Variants in TAFA2 observed in about 807,000 individuals in gnomAD.
TAFA2 encodes the protein chemokine-like protein TAFA-2.
TAFA2 carries 7 observed loss-of-function variants against 18.8 expected under a neutral mutation model. That is an observed-to-expected ratio of 0.37 (90% CI 0.21 to 0.70). TAFA2 has a LOEUF of 0.70. Ranked by LOEUF, TAFA2 falls within the 30% of genes least tolerant of loss-of-function variation. The pLI is 0.53. For missense variants in TAFA2, 122 were observed against 158.1 expected, an observed-to-expected ratio of 0.77 and a Z score of 1.23; for synonymous variants, 60 against 54.2, an observed-to-expected ratio of 1.11 and a Z score of -0.47.
At chr12:61,758,927 G>A (rs1190720875) in intron 2 of TAFA2, among the ~76,000 whole-genome samples, 1 of 151,954 alleles carries the variant, frequency 6.6e-6, no homozygotes. Flanking sequence ...ACATCAGTAG[G>A]CAGATCACTA....
At chr12:62,169,239 T>C (rs545584142) in intron 1 of TAFA2, among the ~76,000 whole-genome samples, 18 of 152,294 alleles carry the variant, frequency 1.2e-4, no homozygotes, top group African/African-American at 3.4e-4. Flanking sequence ...AGCCATAAGC[T>C]GGCCTTGTAA....
intron 2 of TAFA2, among the ~76,000 whole-genome samples, chr12:61,857,649 T>G (rs1320759085): frequency 6.6e-6 from 1 of 152,214 alleles, no homozygotes; most frequent in East Asian, 1.9e-4. Context: ...CCAATTGGCC[T>G]GAACAAGACT....
intron 1 of TAFA2, among the ~76,000 whole-genome samples, chr12:61,930,019 G>A (rs901001027): frequency 2.7e-5 from 4 of 146,854 alleles, no homozygotes; most frequent in African/African-American, 8.1e-5. Flanking sequence ...GTGGGGGTAG[G>A]GGGGAGGGAT....
intron 1 of TAFA2, among the ~76,000 whole-genome samples, chr12:62,125,126 C>A (rs562314712): frequency 4.6e-5 from 7 of 152,120 alleles, no homozygotes; most frequent in African/African-American, 1.7e-4. Flanking sequence ...TCTATGAGCA[C>A]CTGAGTTGTA....
intron 4 of TAFA2, among the ~76,000 whole-genome samples, chr12:61,711,848 C>T (rs1217966787): frequency 1.3e-5 from 2 of 151,822 alleles, no homozygotes; most frequent in Non-Finnish European, 2.9e-5. Flanking sequence ...CATGAAGAGC[C>T]TACTGAATCT....
intron 2 of TAFA2, among the ~76,000 whole-genome samples, chr12:61,763,502 G>T (rs567377286): frequency 1.3e-5 from 2 of 151,926 alleles, no homozygotes; most frequent in African/African-American, 2.4e-5. Context: ...AATGACAGTC[G>T]ATGTTAAGAA....
intron 2 of TAFA2, among the ~76,000 whole-genome samples, chr12:61,795,036 T>A (rs1324963623): frequency 2.0e-5 from 3 of 152,074 alleles, no homozygotes; most frequent in African/African-American, 7.2e-5. Context: ...TGAGATACCA[T>A]CTCACGCCAG....
At chr12:62,108,710 T>C (rs1392783822) in intron 1 of TAFA2, among the ~76,000 whole-genome samples, 1 of 152,228 alleles carries the variant, frequency 6.6e-6, no homozygotes, top group Non-Finnish European at 1.5e-5. Context: ...CTCATTATGG[T>C]TTTGATTTGC....
chr12:61,913,164 G>A (rs1354272881), intron 1 of TAFA2, among the ~76,000 whole-genome samples: 4 of 152,072 alleles, frequency 2.6e-5, no homozygotes, highest in African/African-American at 9.7e-5. Flanking sequence ...ACTAAAATGA[G>A]AGTTAAGTTA....
chr12:62,115,811 G>A (rs1176252637), intron 1 of TAFA2, among the ~76,000 whole-genome samples: 1 of 152,112 alleles, frequency 6.6e-6, no homozygotes. Flanking sequence ...CTTGGTCACT[G>A]GCCCAAGCAG....
intron 4 of TAFA2, among the ~76,000 whole-genome samples, chr12:61,722,707 T>G (rs1268386278): frequency 6.6e-6 from 1 of 152,196 alleles, no homozygotes; most frequent in African/African-American, 2.4e-5. Context: ...TTGAACACTT[T>G]AAGAGTAGAA....
intron 1 of TAFA2, among the ~76,000 whole-genome samples, chr12:62,038,025 T>G (rs1031359009): frequency 4.6e-5 from 7 of 152,142 alleles, no homozygotes; most frequent in African/African-American, 1.7e-4. Context: ...TACTGTATGA[T>G]CTCACATGTG....
chr12:61,902,707 C>A (rs941988822), intron 1 of TAFA2, among the ~76,000 whole-genome samples: 5 of 152,180 alleles, frequency 3.3e-5, no homozygotes, highest in African/African-American at 1.2e-4. Flanking sequence ...TCATTCACAA[C>A]ATTTTTCTCC....
At chr12:61,736,263 A>G (rs1868302854) in intron 4 of TAFA2, among the ~76,000 whole-genome samples, 1 of 152,042 alleles carries the variant, frequency 6.6e-6, no homozygotes, top group African/African-American at 2.4e-5. Flanking sequence ...AATTCTGGAC[A>G]AGTAACTCTT....
intron 2 of TAFA2, among the ~76,000 whole-genome samples, chr12:61,769,576 C>T (rs189556853): frequency 2.6e-4 from 40 of 152,140 alleles, no homozygotes; most frequent in African/African-American, 9.1e-4. Context: ...TCTTTGAAGA[C>T]ACCCCCCAGT....
At chr12:61,978,295 T>C (rs1362490446) in intron 1 of TAFA2, among the ~76,000 whole-genome samples, 2 of 152,114 alleles carry the variant, frequency 1.3e-5, no homozygotes, top group African/African-American at 4.8e-5. Flanking sequence ...TAACATCCTA[T>C]ATAAATATCT....
chr12:61,864,338 AATATATGGT>A (rs1377037478), intron 2 of TAFA2, among the ~76,000 whole-genome samples: 3 of 149,928 alleles, frequency 2.0e-5, no homozygotes, highest in African/African-American at 7.3e-5. Flanking sequence ...AATATATAGA[AATATATGGT>A]ATATATTTCT....
At chr12:62,170,280 T>A (rs1304294262) in intron 1 of TAFA2, among the ~76,000 whole-genome samples, 1 of 152,208 alleles carries the variant, frequency 6.6e-6, no homozygotes, top group Non-Finnish European at 1.5e-5. Flanking sequence ...TATGTTTAAG[T>A]CAGGTGAACC....
At chr12:62,106,690 T>C (rs1869470577) in intron 1 of TAFA2, among the ~76,000 whole-genome samples, 1 of 152,190 alleles carries the variant, frequency 6.6e-6, no homozygotes, top group African/African-American at 2.4e-5. Context: ...TCCCCTTTAA[T>C]TTACATGAAA....
Sources: gnomAD v4.1 joint callset for allele counts (sites outside exome capture counted in the v4.1 genomes callset) on GRCh38, gnomAD v4.1.1 for gene constraint, MANE v1.5 for transcripts, NCBI Gene and HGNC (gene_info 2026-07-23, HGNC 2026-07-21) for gene names.